DOK6: variants seen among roughly 807,000 people sequenced by gnomAD.
DOK6 encodes the protein downstream of tyrosine kinase 6.
Under a neutral mutation model 44.0 loss-of-function variants are expected in DOK6, and 22 were observed. That is an observed-to-expected ratio of 0.50 (90% CI 0.36 to 0.71). The LOEUF is 0.71. Ranked by LOEUF, DOK6 falls within the 30% of genes least tolerant of loss-of-function variation. The pLI is 0.00. For missense variants in DOK6, 340 were observed against 416.4 expected (o/e 0.82, Z 1.60); for synonymous variants, 166 against 145.5 (o/e 1.14, Z -1.01).
At chr18:69,576,347 C>T (rs897342223) in intron 2 of DOK6, among the ~76,000 whole-genome samples, 30 of 151,006 alleles carry the variant, frequency 2.0e-4, no homozygotes, top group African/African-American at 6.1e-4. Flanking sequence ...TTTGATATAC[C>T]CTAAAATCAA....
intron 3 of DOK6, among the ~76,000 whole-genome samples, chr18:69,645,086 C>A (rs1985036835): frequency 6.6e-6 from 1 of 152,190 alleles, no homozygotes; most frequent in East Asian, 1.9e-4. Flanking sequence ...CCAGTGGTTG[C>A]CTCTTACATA....
chr18:69,474,206 C>G (rs71368400), intron 1 of DOK6, among the ~76,000 whole-genome samples: 3 of 152,220 alleles, frequency 2.0e-5, no homozygotes, highest in East Asian at 1.9e-4. Context: ...CACACTCTCT[C>G]TCTGGTTTTT....
chr18:69,515,243 C>A (rs1414128588), intron 1 of DOK6, among the ~76,000 whole-genome samples: 6 of 152,110 alleles, frequency 3.9e-5, no homozygotes, highest in Non-Finnish European at 2.9e-5. Context: ...AATGAGGCAT[C>A]GTGTAAATAT....
chr18:69,813,861 T>C (rs1348396827), intron 7 of DOK6, among the ~76,000 whole-genome samples: 1 of 152,180 alleles, frequency 6.6e-6, no homozygotes, highest in Non-Finnish European at 1.5e-5. Flanking sequence ...GGTTCAGTTT[T>C]TCCGAGTGCT....
intron 1 of DOK6, among the ~76,000 whole-genome samples, chr18:69,534,062 A>G (rs1982054583): frequency 6.6e-6 from 1 of 152,158 alleles, no homozygotes; most frequent in Non-Finnish European, 1.5e-5. Context: ...CATTACACGT[A>G]TTACCTCATT....
chr18:69,649,542 T>C (rs1336362822), intron 3 of DOK6, among the ~76,000 whole-genome samples: 2 of 152,208 alleles, frequency 1.3e-5, no homozygotes, highest in Admixed American at 6.5e-5. Context: ...CTAGAATTCA[T>C]ATTACTATGA....
At chr18:69,618,186 C>T (rs1360986485) in intron 3 of DOK6, among the ~76,000 whole-genome samples, 5 of 152,164 alleles carry the variant, frequency 3.3e-5, no homozygotes, top group Non-Finnish European at 5.9e-5. Context: ...GAAATTCCAT[C>T]CTAGAGAACT....
At chr18:69,773,404 A>G in intron 7 of DOK6, among the ~76,000 whole-genome samples, 1 of 152,040 alleles carries the variant, frequency 6.6e-6, no homozygotes. Context: ...TGTTCATTGC[A>G]GTAGTATTCA....
At chr18:69,648,580 C>T (rs73463961) in intron 3 of DOK6, among the ~76,000 whole-genome samples, 2,626 of 152,210 alleles carry the variant, frequency 0.017, 73 homozygotes, top group African/African-American at 0.06. Flanking sequence ...GTATCTCTAG[C>T]ATAAGGACTA....
chr18:69,653,686 A>T (rs185912699), intron 3 of DOK6, among the ~76,000 whole-genome samples: 23 of 152,366 alleles, frequency 1.5e-4, no homozygotes, highest in African/African-American at 5.0e-4. Flanking sequence ...GAATGAGCTG[A>T]GTCCCAGACT....
intron 4 of DOK6, among the ~76,000 whole-genome samples, chr18:69,692,587 A>G (rs1460353315): frequency 1.3e-5 from 2 of 152,230 alleles, no homozygotes; most frequent in Non-Finnish European, 2.9e-5. Context: ...AGTTGATTGT[A>G]TATAGAAGTG....
chr18:69,715,519 G>A (rs560694046), intron 5 of DOK6, among the ~76,000 whole-genome samples: 34 of 152,312 alleles, frequency 2.2e-4, no homozygotes, highest in South Asian at 8.3e-4. Flanking sequence ...ATCAGCTCTC[G>A]CGATCTCACG....
intron 1 of DOK6, among the ~76,000 whole-genome samples, chr18:69,473,385 T>A (rs368131377): frequency 6.6e-6 from 1 of 152,358 alleles, no homozygotes; most frequent in East Asian, 1.9e-4. Context: ...AAAAAGATGT[T>A]AAAAGGTCCC....
chr18:69,557,549 G>T (rs1982718716), intron 1 of DOK6, among the ~76,000 whole-genome samples: 1 of 152,158 alleles, frequency 6.6e-6, no homozygotes. Context: ...GATTAAGAAG[G>T]TATTTAATGA....
At chr18:69,728,956 T>A (rs1319773942) in intron 5 of DOK6, among the ~76,000 whole-genome samples, 3 of 152,180 alleles carry the variant, frequency 2.0e-5, no homozygotes, top group Non-Finnish European at 4.4e-5. Context: ...CTGCAGTGCA[T>A]CCCACTCATC....
chr18:69,651,482 CTTT>C (rs1168500882), intron 3 of DOK6, among the ~76,000 whole-genome samples: 3 of 116,926 alleles, frequency 2.6e-5, no homozygotes, highest in African/African-American at 3.4e-5. Context: ...CCCCCCGCTC[CTTT>C]TTTTTTTTTT....
intron 1 of DOK6, among the ~76,000 whole-genome samples, chr18:69,554,962 T>A (rs910974671): frequency 2.0e-5 from 3 of 152,188 alleles, no homozygotes; most frequent in African/African-American, 7.2e-5. Flanking sequence ...TATCTTGCCC[T>A]CTTTAAAACT....
At chr18:69,778,393 TA>T (rs5825968) in intron 7 of DOK6, among the ~76,000 whole-genome samples, 88,869 of 151,804 alleles carry the variant, frequency 0.59, 28,537 homozygotes, top group East Asian at 0.98. Flanking sequence ...CCATAGCAAA[TA>T]AAATTGCGTC....
At chr18:69,436,449 G>A (rs539247282) in intron 1 of DOK6, among the ~76,000 whole-genome samples, 1 of 152,162 alleles carries the variant, frequency 6.6e-6, no homozygotes, top group African/African-American at 2.4e-5. Flanking sequence ...TGAGAATGAT[G>A]GTTTCCAGCT....
Sources: gnomAD v4.1 joint callset for allele counts (sites outside exome capture counted in the v4.1 genomes callset) on GRCh38, gnomAD v4.1.1 for gene constraint, MANE v1.5 for transcripts, NCBI Gene and HGNC (gene_info 2026-07-23, HGNC 2026-07-21) for gene names.